IL1RAPL1: variants seen among roughly 807,000 people sequenced by gnomAD.
IL1RAPL1 encodes the protein interleukin 1 receptor accessory protein like 1.
IL1RAPL1 carries 3 observed loss-of-function variants against 48.4 expected under a neutral mutation model. That is an observed-to-expected ratio of 0.06 (90% CI 0.03 to 0.16). The LOEUF is 0.16. Ranked by LOEUF, IL1RAPL1 falls within the 10% of genes least tolerant of loss-of-function variation. IL1RAPL1 has a pLI of 1.00. For missense variants in IL1RAPL1, 349 were observed against 530.6 expected (o/e 0.66, Z 3.36); for synonymous variants, 185 against 187.7 (o/e 0.99, Z 0.12).
At chrX:29,075,881 C>T (rs1020518796) in intron 2 of IL1RAPL1, among the ~76,000 whole-genome samples, 2 of 111,604 alleles carry the variant, frequency 1.8e-5, no homozygotes, top group Non-Finnish European at 3.8e-5. Flanking sequence ...CTACTTGTAC[C>T]TACAATAAAA....
intron 5 of IL1RAPL1, among the ~76,000 whole-genome samples, chrX:29,548,357 T>G (rs954246104): frequency 1.8e-5 from 2 of 112,382 alleles, no homozygotes; most frequent in Non-Finnish European, 3.8e-5. Flanking sequence ...TACCTGAAGA[T>G]CACATAAAGG....
chrX:29,603,009 T>C (rs1236988019), intron 5 of IL1RAPL1, among the ~76,000 whole-genome samples: 4 of 112,290 alleles, frequency 3.6e-5, no homozygotes, highest in Non-Finnish European at 7.5e-5. Context: ...TGGGCGCCTG[T>C]AATCCCAGCA....
intron 2 of IL1RAPL1, among the ~76,000 whole-genome samples, chrX:28,879,050 C>A (rs769792650): frequency 9.0e-6 from 1 of 111,565 alleles, no homozygotes; most frequent in East Asian, 2.8e-4. Flanking sequence ...GTAGAAGGTG[C>A]AATAGTTTGT....
chrX:29,391,834 G>A (rs1328347345), intron 3 of IL1RAPL1, among the ~76,000 whole-genome samples: 1 of 111,855 alleles, frequency 8.9e-6, no homozygotes, highest in African/African-American at 3.3e-5. Flanking sequence ...CAGTGAATTA[G>A]AAGTAGGAGA....
intron 5 of IL1RAPL1, among the ~76,000 whole-genome samples, chrX:29,603,484 C>T (rs904054844): frequency 9.0e-6 from 1 of 111,557 alleles, no homozygotes; most frequent in Non-Finnish European, 1.9e-5. Flanking sequence ...TTCCAACATA[C>T]GGATTTGTTT....
chrX:29,387,586 T>C (rs1012025946), intron 3 of IL1RAPL1, among the ~76,000 whole-genome samples: 2 of 112,454 alleles, frequency 1.8e-5, no homozygotes, highest in Non-Finnish European at 3.8e-5. Context: ...AATAAGAAGA[T>C]CATCAGGTGA....
chrX:29,398,262 A>G (rs1933944246), intron 4 of IL1RAPL1, among the ~76,000 whole-genome samples: 1 of 112,216 alleles, frequency 8.9e-6, no homozygotes, highest in African/African-American at 3.2e-5. Flanking sequence ...ATTGCCCCCA[A>G]TTACACAAAG....
chrX:29,890,577 A>G (rs1349182303), intron 6 of IL1RAPL1, among the ~76,000 whole-genome samples: 1 of 112,211 alleles, frequency 8.9e-6, no homozygotes, highest in Non-Finnish European at 1.9e-5. Flanking sequence ...GATTTTAATT[A>G]TGCTAACAGC....
intron 2 of IL1RAPL1, among the ~76,000 whole-genome samples, chrX:29,276,904 T>C (rs760796026): frequency 1.8e-5 from 2 of 111,336 alleles, no homozygotes; most frequent in South Asian, 3.8e-4. Flanking sequence ...TAGAGAAAGA[T>C]AGAGATAGAT....
At chrX:29,790,520 A>G (rs2147162145) in intron 6 of IL1RAPL1, among the ~76,000 whole-genome samples, 1 of 112,331 alleles carries the variant, frequency 8.9e-6, no homozygotes, top group Admixed American at 9.5e-5. Flanking sequence ...CAATGGTTAC[A>G]CTTCTGGCTT....
In IL1RAPL1 at chrX:29,657,525, C is replaced by T. The variant is rs183976691; in HGVS notation, c.704-10905C>T. 6.7e-3 allele frequency among the ~76,000 whole-genome samples: 746 copies of T among 112,103 alleles called. 4 individuals are homozygous for T. Among genetic ancestry groups the T allele is most frequent in the African/African-American group, 0.023 (720 of 30,926 alleles). On this transcript the variant is annotated intron_variant, in intron 5 of 10. Coordinates refer to ENST00000378993, the MANE Select transcript of IL1RAPL1 (RefSeq NM_014271.4). The stretch of plus-strand genomic sequence containing the variant: ...GGTCATTAAATTACATTATACTATA[C>T]TTTAGAAATATAATGTCTTTGTGAT...
chrX:28,641,441 C>T (rs1183275967), intron 1 of IL1RAPL1, among the ~76,000 whole-genome samples: 3 of 111,579 alleles, frequency 2.7e-5, no homozygotes, highest in Non-Finnish European at 5.6e-5. Context: ...GTATGTGCCA[C>T]AGTTTCTTTA....
chrX:28,926,809 G>C (rs1396976227), intron 2 of IL1RAPL1, among the ~76,000 whole-genome samples: 1 of 110,822 alleles, frequency 9.0e-6, no homozygotes, highest in Non-Finnish European at 1.9e-5. Flanking sequence ...CTTCATTGAG[G>C]AAAAGAAATA....
At chrX:29,476,288 A>C (rs1338141575) in intron 5 of IL1RAPL1, among the ~76,000 whole-genome samples, 1 of 112,054 alleles carries the variant, frequency 8.9e-6, no homozygotes, top group Non-Finnish European at 1.9e-5. Context: ...GCTCATAATA[A>C]AGGCAAAAAC....
chrX:29,001,415 T>C lies in IL1RAPL1; in HGVS notation c.82+211990T>C, dbSNP rs375218832. ...AGTAATCAGTGACACAGTGTCTAGA[T>C]AGCCCAAGTCTTCTAGTATAATTAT... On this transcript the variant is annotated intron_variant, in intron 2 of 10. Coordinates refer to ENST00000378993, the MANE Select transcript of IL1RAPL1 (RefSeq NM_014271.4). Among the ~76,000 whole-genome samples the C allele has an allele frequency of 1.4e-4, 16 of 111,692 alleles. No individual in the cohort carries two copies. In the East Asian group the frequency reaches 2.5e-3, roughly 18 times the overall value.
chrX:29,054,605 A>T (rs1258835976), intron 2 of IL1RAPL1, among the ~76,000 whole-genome samples: 1 of 111,321 alleles, frequency 9.0e-6, no homozygotes, highest in Non-Finnish European at 1.9e-5. Flanking sequence ...AGGAAGCAAG[A>T]CAAAGAAAAT....
intron 2 of IL1RAPL1, among the ~76,000 whole-genome samples, chrX:29,264,491 A>C (rs1931917768): frequency 9.0e-6 from 1 of 111,354 alleles, no homozygotes; most frequent in South Asian, 3.8e-4. Context: ...AAGCATTATC[A>C]GAAGTGGAAG....
At chrX:29,181,398 C>A (rs1382323382) in intron 2 of IL1RAPL1, among the ~76,000 whole-genome samples, 1 of 111,917 alleles carries the variant, frequency 8.9e-6, no homozygotes, top group Non-Finnish European at 1.9e-5. Flanking sequence ...TATGATTCAG[C>A]ATCTAAACCT....
At chrX:29,940,947 AC>A (rs889789986) in intron 8 of IL1RAPL1, among the ~76,000 whole-genome samples, 38 of 105,429 alleles carry the variant, frequency 3.6e-4, no homozygotes, top group African/African-American at 1.0e-3. Context: ...CCTACTTCTT[AC>A]ACCCAAAAAG....
Sources: gnomAD v4.1 joint callset for allele counts (sites outside exome capture counted in the v4.1 genomes callset) on GRCh38, gnomAD v4.1.1 for gene constraint, MANE v1.5 for transcripts, NCBI Gene and HGNC (gene_info 2026-07-23, HGNC 2026-07-21) for gene names.